The following ITPR2 variants were observed in gnomAD, a reference collection of about 807,000 sequenced individuals.
The protein encoded by ITPR2 is inositol 1,4,5-trisphosphate-gated calcium channel ITPR2.
A neutral mutation model predicts 317.1 loss-of-function variants in ITPR2; 207 were observed. That is an observed-to-expected ratio of 0.65 (90% CI 0.58 to 0.73). The LOEUF (loss-of-function observed/expected upper bound fraction) is 0.73, where lower values mean the gene tolerates loss of function less well. Among genes scored for constraint, ITPR2 ranks in the 30% least tolerant of loss-of-function variants. The pLI, the probability that ITPR2 is intolerant of heterozygous loss-of-function variation, is 0.00. For synonymous variants in ITPR2, 1,156 were observed against 1,149.1 expected, an observed-to-expected ratio of 1.01 and a Z score of -0.12; for missense variants, 2,613 against 3,284.0, an observed-to-expected ratio of 0.80 and a Z score of 4.99.
At chr12:26,768,337 C>T (rs562415351) in intron 2 of ITPR2, among the ~76,000 whole-genome samples, 119 of 149,986 alleles carry the variant, frequency 7.9e-4, no homozygotes, top group Admixed American at 4.2e-3. Flanking sequence ...GTGGGTGCAG[C>T]GCACCAGCAT....
chr12:26,643,894 C>T (rs571267944), intron 21 of ITPR2, among the ~76,000 whole-genome samples: 142 of 152,232 alleles, frequency 9.3e-4, no homozygotes, highest in South Asian at 2.7e-3. Flanking sequence ...TTGGAAAATC[C>T]TCAGCCTATC....
chr12:26,465,366 A>C (rs1591807806), intron 45 of ITPR2, among the ~76,000 whole-genome samples: 1 of 152,362 alleles, frequency 6.6e-6, no homozygotes, highest in Non-Finnish European at 1.5e-5. Context: ...AGAGTGGTTT[A>C]GGTGGAACGG....
At chr12:26,648,686 A>G (rs757802816) in intron 21 of ITPR2, 1 of 152,154 alleles carries the variant, frequency 6.6e-6, no homozygotes, top group Non-Finnish European at 1.5e-5. Context: ...GAGTATTGTA[A>G]TGTGGTAACA....
At chr12:26,652,804 G>C (rs1398438051) in intron 21 of ITPR2, among the ~76,000 whole-genome samples, 3 of 152,210 alleles carry the variant, frequency 2.0e-5, no homozygotes, top group African/African-American at 7.2e-5. Flanking sequence ...GATGAGCTCT[G>C]CCTGCACAGT....
chr12:26,431,420 G>C (rs1941204618), intron 48 of ITPR2, among the ~76,000 whole-genome samples: 1 of 152,162 alleles, frequency 6.6e-6, no homozygotes, highest in African/African-American at 2.4e-5. Flanking sequence ...GCCGCAACCA[G>C]TGTAGCCTCA....
At chr12:26,440,211 C>T (rs1345444017) in intron 46 of ITPR2, among the ~76,000 whole-genome samples, 1 of 152,158 alleles carries the variant, frequency 6.6e-6, no homozygotes, top group Non-Finnish European at 1.5e-5. Flanking sequence ...CCATAAGAGA[C>T]ACACAAAACA....
chr12:26,623,164 T>C (rs1057347453), intron 24 of ITPR2, among the ~76,000 whole-genome samples: 1 of 152,168 alleles, frequency 6.6e-6, no homozygotes, highest in Non-Finnish European at 1.5e-5. Context: ...CTATCTGTGG[T>C]TTTACTTTTT....
chr12:26,687,034 TC>T (rs1473369197), intron 10 of ITPR2, among the ~76,000 whole-genome samples: 2 of 152,174 alleles, frequency 1.3e-5, no homozygotes, highest in African/African-American at 4.8e-5. Context: ...GTGCAGGAGT[TC>T]ATACCTAACT....
At chr12:26,802,334 A>C (rs1950569211) in intron 1 of ITPR2, among the ~76,000 whole-genome samples, 1 of 151,974 alleles carries the variant, frequency 6.6e-6, no homozygotes, top group African/African-American at 2.4e-5. Flanking sequence ...AAAAAAGAAA[A>C]GTATAGTAGC....
At chr12:26,668,879 G>C (rs1370869535) in intron 13 of ITPR2, among the ~76,000 whole-genome samples, 1 of 152,088 alleles carries the variant, frequency 6.6e-6, no homozygotes, top group South Asian at 2.1e-4. Flanking sequence ...CCAGCATTTT[G>C]GGAGGTTGAG....
At chr12:26,679,747 T>G (rs1947993721) in intron 13 of ITPR2, among the ~76,000 whole-genome samples, 1 of 152,136 alleles carries the variant, frequency 6.6e-6, no homozygotes, top group African/African-American at 2.4e-5. Context: ...TCTTTTTCAA[T>G]TTTTGTTTTT....
intron 2 of ITPR2, among the ~76,000 whole-genome samples, chr12:26,788,655 C>G (rs1056876450): frequency 6.6e-6 from 1 of 152,174 alleles, no homozygotes; most frequent in Non-Finnish European, 1.5e-5. Context: ...GGCCTCTATT[C>G]CAGTCTCCCT....
At chr12:26,448,011 A>AAAAAAAC (rs1432413979) in intron 45 of ITPR2, among the ~76,000 whole-genome samples, 4 of 151,308 alleles carry the variant, frequency 2.6e-5, no homozygotes, top group Non-Finnish European at 5.9e-5. Flanking sequence ...TTAAAAAAAA[A>AAAAAAAC]AAAACCCAGC....
At chr12:26,688,414 C>CA (rs1380018426) in intron 10 of ITPR2, among the ~76,000 whole-genome samples, 1 of 150,766 alleles carries the variant, frequency 6.6e-6, no homozygotes, top group Non-Finnish European at 1.5e-5. Flanking sequence ...AATCCCACAA[C>CA]AAAAAATTTA....
Position 26,831,738 on chromosome 12 carries a change from A to G in ITPR2, c.92+952T>C, listed in dbSNP as rs1308549179. Among the ~76,000 whole-genome samples the G allele has an allele frequency of 7.1e-6, 1 of 140,432 alleles. No homozygotes were observed. Among genetic ancestry groups the G allele is most frequent in the Non-Finnish European group, 1.6e-5 (1 of 63,946 alleles). The allele number at this position is 140,432 out of a possible 152,430, so 92.1% of individuals were successfully genotyped here. ...TATATATTCTACATAAAATATATAA[A>G]TATATATTCTACATAAAATATATAA... On this transcript the variant is annotated intron_variant, in intron 1 of 56. Coordinates refer to ENST00000381340, the MANE Select transcript of ITPR2 (RefSeq NM_002223.4). The surrounding 1 kb of genome is among the most constrained non-coding windows in gnomAD (Gnocchi z 4.9).
intron 55 of ITPR2, among the ~76,000 whole-genome samples, chr12:26,360,908 T>C (rs1013097327): frequency 1.3e-5 from 2 of 152,086 alleles, no homozygotes; most frequent in African/African-American, 2.4e-5. Context: ...GGGGTACTTA[T>C]TGAGAACTAA....
chr12:26,477,045 T>C, intron 43 of ITPR2, 38 bp from the exon 44 acceptor site: 1 of 1,266,652 alleles, frequency 7.9e-7, no homozygotes, highest in Non-Finnish European at 1.1e-6. Context: ...ATGCAAAGTC[T>C]ATTTCATGGA....
intron 21 of ITPR2, among the ~76,000 whole-genome samples, chr12:26,644,316 C>T (rs1451043591): frequency 2.0e-5 from 3 of 152,128 alleles, no homozygotes; most frequent in Admixed American, 2.0e-4. Context: ...TGGGGAGGAG[C>T]TGCTGCCTCC....
intron 9 of ITPR2, among the ~76,000 whole-genome samples, chr12:26,706,545 G>A (rs1948556214): frequency 6.6e-6 from 1 of 152,044 alleles, no homozygotes; most frequent in East Asian, 1.9e-4. Context: ...TCTTCCCCAT[G>A]TGCCTTACTC....
Sources: gnomAD v4.1 joint callset for allele counts (sites outside exome capture counted in the v4.1 genomes callset) on GRCh38, gnomAD v4.1.1 for gene constraint, Gnocchi (gnomAD v3.1) non-coding constraint, MANE v1.5 for transcripts, NCBI Gene and HGNC (gene_info 2026-07-23, HGNC 2026-07-21) for gene names.